KIF26B: variants seen among roughly 807,000 people sequenced by gnomAD.
The protein encoded by KIF26B is kinesin family member 26B.
A neutral mutation model predicts 151.2 loss-of-function variants in KIF26B; 63 were observed. The ratio of observed to expected loss-of-function variants is 0.42; its 90% CI spans 0.34 to 0.51. The LOEUF is 0.51. Ranked by LOEUF, KIF26B falls within the 20% of genes least tolerant of loss-of-function variation. KIF26B has a pLI of 0.07. For missense variants in KIF26B, 2,813 were observed against 2,913.6 expected (o/e 0.97, Z 0.79); for synonymous variants, 1,357 against 1,262.1 (o/e 1.08, Z -1.59).
intron 3 of KIF26B, among the ~76,000 whole-genome samples, chr1:245,396,869 A>G (rs1673858197): frequency 6.6e-6 from 1 of 152,004 alleles, no homozygotes. Context: ...ATGTTTCCCT[A>G]TGCACCTCCG....
At chr1:245,478,189 C>T (rs920322762) in intron 4 of KIF26B, among the ~76,000 whole-genome samples, 10 of 151,826 alleles carry the variant, frequency 6.6e-5, no homozygotes, top group South Asian at 4.2e-4. Context: ...CTGTGTCTGA[C>T]TAGTATTCCA....
At chr1:245,249,009 C>T (rs112752352) in intron 2 of KIF26B, among the ~76,000 whole-genome samples, 2 of 152,130 alleles carry the variant, frequency 1.3e-5, no homozygotes, top group African/African-American at 2.4e-5. Context: ...AAAGTGAGTT[C>T]GCTTTAGCTG....
chr1:245,702,517 G>A lies in KIF26B; in HGVS notation c.6238G>A (p.Val2080Met), dbSNP rs930579220. ...GGAGTACCTGGAGGCACTGGAGTGT[G>A]TGACGGAGCGCCTGGAGAGCCGTGT... ...SLEYLEALEC[V>M]TERLESRVNF... Residue 2080 changes from valine to methionine, a missense_variant, in exon 15 of 15, where the codon GTG becomes ATG. By Grantham distance (21) the Val-to-Met change is conservative (BLOSUM62 1). Transcript: ENST00000407071. The surrounding 1 kb of genome is among the most constrained non-coding windows in gnomAD (Gnocchi z 4.1). The A allele has an allele frequency of 1.9e-6, 3 of 1,613,986 alleles. No homozygotes were observed. Among genetic ancestry groups the A allele is most frequent in the Admixed American group, 1.7e-5 (1 of 60,030 alleles).
chr1:245,174,668 G>T (rs568909232), intron 2 of KIF26B, among the ~76,000 whole-genome samples: 2 of 152,064 alleles, frequency 1.3e-5, no homozygotes, highest in Admixed American at 1.3e-4. Flanking sequence ...CACCACACCT[G>T]GCCCCTCAGC....
rs796722836 is a variant in KIF26B at position 245,640,160 on chromosome 1, T to TATATATACAC, written c.2099-5960_2099-5959insTATATACACA. 1.3e-3 allele frequency among the ~76,000 whole-genome samples: 70 copies of TATATATACAC among 54,794 alleles called. 2 individuals are homozygous for TATATATACAC. The highest frequency in any genetic ancestry group is 3.0e-3 in the East Asian group (3 of 998). The allele number at this position is 54,794 out of a possible 152,430, so 35.9% of individuals were successfully genotyped here. On this transcript the variant is annotated intron_variant, in intron 9 of 14. Transcript: ENST00000407071. ...CTCTCTCTCTATATATATATATATA[T>TATATATACAC]ACCCTGCTATTTGGTTATATATATT... is the stretch of plus-strand genomic sequence containing the variant.
At chr1:245,431,153 A>C (rs1008969861) in intron 4 of KIF26B, among the ~76,000 whole-genome samples, 1 of 152,206 alleles carries the variant, frequency 6.6e-6, no homozygotes, top group African/African-American at 2.4e-5. Context: ...AGTGCACCAC[A>C]GAAGCTATAG....
At chr1:245,436,682 T>C (rs971137635) in intron 4 of KIF26B, among the ~76,000 whole-genome samples, 2 of 152,168 alleles carry the variant, frequency 1.3e-5, no homozygotes, top group African/African-American at 2.4e-5. Context: ...ATCTAGTAAA[T>C]ACCTTCACAA....
intron 4 of KIF26B, among the ~76,000 whole-genome samples, chr1:245,423,495 G>T (rs925031477): frequency 3.3e-5 from 5 of 149,390 alleles, no homozygotes; most frequent in Non-Finnish European, 5.9e-5. Flanking sequence ...TTTTTTCACC[G>T]TAATCATGAA....
intron 4 of KIF26B, among the ~76,000 whole-genome samples, chr1:245,465,245 TG>T (rs1455315666): frequency 1.3e-5 from 2 of 152,198 alleles, no homozygotes; most frequent in Non-Finnish European, 2.9e-5. Flanking sequence ...CCCAAAGTGC[TG>T]GGATCACAGG....
rs754571427 is a variant in KIF26B, at chr1:245,611,907, C to A, written c.2029C>A (p.Arg677Ser). The change falls in exon 9 of 15, where the codon CGC becomes AGC. Residue 677 changes from arginine (R) to serine (S), a missense_variant. By Grantham distance (110) the Arg-to-Ser change is moderately radical (BLOSUM62 -1). This residue lies in a region of KIF26B where 2,060 missense variants were observed against 2,088.6 expected (regional missense o/e 0.99). Coordinates refer to ENST00000407071, the MANE Select transcript of KIF26B (RefSeq NM_018012.4). ...ACAGGACTGTGATGAGGACGACCAC[C>A]GCAACTCACACGTGTTCTTCACACT... ...HQQDCDEDDH[R>S]NSHVFFTLHI... is the part of the protein sequence containing the mutation. 1.9e-6 allele frequency: 3 copies of A among 1,613,838 alleles called. No homozygotes were observed. Among genetic ancestry groups the A allele is most frequent in the Non-Finnish European group, 2.5e-6 (3 of 1,179,898 alleles).
rs1658422743 is a variant in KIF26B, at chr1:245,419,599, G to C, written c.1020G>C (p.Glu340Asp). ...YPYQISQLMT[E>D]SSREGLTEAV... ...GTCAGATCTCCCAGCTGATGACAGA[G>C]AGTAGCCGGGAGGGACTAACAGAAG... The change falls in exon 4 of 15, where the codon GAG becomes GAC. Residue 340 changes from glutamate (E) to aspartate (D), a missense_variant. Coordinates refer to ENST00000407071, the MANE Select transcript of KIF26B (RefSeq NM_018012.4). 6.2e-7 allele frequency: 1 copy of C among 1,611,644 alleles called. No homozygotes were observed. The highest frequency in any genetic ancestry group is 2.2e-5 in the East Asian group (1 of 44,664).
At chr1:245,155,972 G>A (rs983028817) in intron 1 of KIF26B, among the ~76,000 whole-genome samples, 3 of 144,982 alleles carry the variant, frequency 2.1e-5, no homozygotes, top group East Asian at 2.1e-4. Flanking sequence ...CTTCAAAAGC[G>A]TGGGGCGCTG....
chr1:245,642,102 A>G (rs374608302), intron 9 of KIF26B, among the ~76,000 whole-genome samples: 43 of 152,312 alleles, frequency 2.8e-4, no homozygotes, highest in East Asian at 1.5e-3. Flanking sequence ...GGAAGACCCA[A>G]TGACGGTACT....
chr1:245,618,614 G>A (rs996843270), intron 9 of KIF26B, among the ~76,000 whole-genome samples: 1 of 147,834 alleles, frequency 6.8e-6, no homozygotes, highest in African/African-American at 2.6e-5. Context: ...GGTTCCTTGA[G>A]ACAGAGTGCC....
Position 245,488,863 on chromosome 1 carries a change from A to G in KIF26B, c.1167-51904A>G, listed in dbSNP as rs1401734221. ...CAGAGGGACCAAGACTCGATTCTTTATGCCTTAGGCTAGGTTTGCAGTTGG... is the reference window on the plus strand; with the variant it reads ...CAGAGGGACCAAGACTCGATTCTTTGTGCCTTAGGCTAGGTTTGCAGTTGG... On this transcript the variant is annotated intron_variant, in intron 4 of 14. Transcript: ENST00000407071. This position sits in a 1 kb window ranked among gnomAD's most constrained non-coding sequence, Gnocchi z 4.6. Among the ~76,000 whole-genome samples the G allele has an allele frequency of 6.6e-6, 1 of 152,162 alleles. No individual in the cohort carries two copies. Among genetic ancestry groups the G allele is most frequent in the Non-Finnish European group, 1.5e-5 (1 of 68,036 alleles).
chr1:245,631,046 C>G lies in KIF26B; in HGVS notation c.2099-15075C>G, dbSNP rs117357876. Among the ~76,000 whole-genome samples, 170 of 152,174 alleles carry G rather than the reference C, an allele frequency of 1.1e-3. 2 individuals are homozygous for G. In the East Asian group the frequency reaches 0.027, roughly 25 times the overall value. ...TTTTTGGTGGAATCTTTAGGTTGTT[C>G]TAATTATTATATGCCATCTGCAGAG... On this transcript the variant is annotated intron_variant, in intron 9 of 14. Transcript: ENST00000407071.
At chr1:245,426,941 C>T (rs143259876) in intron 4 of KIF26B, among the ~76,000 whole-genome samples, 1 of 152,168 alleles carries the variant, frequency 6.6e-6, no homozygotes, top group South Asian at 2.1e-4. Context: ...TGAAGGCTTT[C>T]TTTAGTCCCT....
At chr1:245,575,272 C>T (rs1043815446) in intron 5 of KIF26B, among the ~76,000 whole-genome samples, 6 of 151,676 alleles carry the variant, frequency 4.0e-5, no homozygotes, top group African/African-American at 1.5e-4. Flanking sequence ...GTCAGGAGTT[C>T]GAGACCAGCC....
intron 4 of KIF26B, among the ~76,000 whole-genome samples, chr1:245,531,281 C>T (rs1211001525): frequency 2.0e-5 from 3 of 152,144 alleles, no homozygotes; most frequent in Non-Finnish European, 4.4e-5. Flanking sequence ...AAAATAACTG[C>T]TTTCATTTAC....
Sources: allele counts gnomAD v4.1 joint callset (sites outside exome capture counted in the v4.1 genomes callset), GRCh38; gene constraint gnomAD v4.1.1; regional missense constraint gnomAD v4.1.1; non-coding constraint Gnocchi (gnomAD v3.1); transcripts MANE v1.5; gene names NCBI Gene and HGNC (gene_info 2026-07-23, HGNC 2026-07-21).